TLL1: variants seen among roughly 807,000 people sequenced by gnomAD.
TLL1 encodes the protein tolloid like 1, also known as tolloid-like protein 1.
In TLL1, 49 loss-of-function variants were observed where a neutral mutation model predicts 128.2. The observed-to-expected ratio is 0.38, with a 90% confidence interval of 0.30 to 0.48. The LOEUF is 0.48. Among genes scored for constraint, TLL1 ranks in the 20% least tolerant of loss-of-function variants. The pLI is 0.96. For missense variants in TLL1, 1,123 were observed against 1,242.0 expected, an observed-to-expected ratio of 0.90 and a Z score of 1.44; for synonymous variants, 454 against 418.8, an observed-to-expected ratio of 1.08 and a Z score of -1.03.
intron 1 of TLL1, among the ~76,000 whole-genome samples, chr4:165,952,408 C>T (rs943480962): frequency 6.6e-6 from 1 of 152,060 alleles, no homozygotes; most frequent in Non-Finnish European, 1.5e-5. Flanking sequence ...GGAGTTAATT[C>T]TAAATTATGC....
intron 18 of TLL1, among the ~76,000 whole-genome samples, chr4:166,079,917 C>T (rs957065326): frequency 7.9e-5 from 12 of 152,094 alleles, no homozygotes; most frequent in African/African-American, 1.7e-4. Context: ...TTGGCTGTCT[C>T]GAATCTACTG....
intron 8 of TLL1, among the ~76,000 whole-genome samples, chr4:166,017,577 C>T (rs1738008589): frequency 6.6e-6 from 1 of 152,104 alleles, no homozygotes; most frequent in Admixed American, 6.6e-5. Context: ...CATTCTCTTT[C>T]TCTACAGCCT....
intron 9 of TLL1, among the ~76,000 whole-genome samples, chr4:166,034,730 T>C (rs1047282691): frequency 6.6e-6 from 1 of 152,096 alleles, no homozygotes; most frequent in Non-Finnish European, 1.5e-5. Context: ...TGTAGGGGTG[T>C]AGTGGGAATT....
chr4:165,978,180 C>T (rs1045681049), intron 1 of TLL1, among the ~76,000 whole-genome samples: 3 of 152,074 alleles, frequency 2.0e-5, no homozygotes, highest in Admixed American at 1.3e-4. Context: ...ACCCTGAAAT[C>T]ATTTTTTTCC....
intron 9 of TLL1, among the ~76,000 whole-genome samples, chr4:166,032,038 C>T (rs1204886940): frequency 3.3e-5 from 5 of 152,068 alleles, no homozygotes; most frequent in African/African-American, 1.2e-4. Flanking sequence ...TGGCATCTGA[C>T]ATTTGCCAGA....
At chr4:166,052,982 T>TATATATATATATATATA (rs1553965120) in intron 12 of TLL1, among the ~76,000 whole-genome samples, 2 of 145,368 alleles carry the variant, frequency 1.4e-5, no homozygotes, top group African/African-American at 5.1e-5. Flanking sequence ...TATATATATA[T>TATATATATATATATATA]TTGGCCAAAT....
At chr4:165,966,844 G>T (rs1561061131) in intron 1 of TLL1, among the ~76,000 whole-genome samples, 1 of 152,170 alleles carries the variant, frequency 6.6e-6, no homozygotes, top group African/African-American at 2.4e-5. Context: ...TGCTGATGAA[G>T]TTTTATGTCC....
chr4:165,901,415 G>T (rs1418743997), intron 1 of TLL1, among the ~76,000 whole-genome samples: 1 of 152,136 alleles, frequency 6.6e-6, no homozygotes, highest in Non-Finnish European at 1.5e-5. Flanking sequence ...GTGACCTTCG[G>T]ATGGGGTTTT....
In TLL1 at chr4:165,903,732, A is replaced by AACACAC. The variant is rs1561018121; in HGVS notation, c.169+29659_169+29660insACACAC. Among the ~76,000 whole-genome samples the AACACAC allele has an allele frequency of 7.5e-4, 79 of 104,718 alleles. 1 individual carries two copies. The highest frequency in any genetic ancestry group is 2.5e-3 in the African/African-American group (74 of 30,186). 68.7% of individuals were successfully genotyped at this position (104,718 alleles called of 152,430 possible). On this transcript the variant is annotated intron_variant, in intron 1 of 20. Coordinates refer to ENST00000061240, the MANE Select transcript of TLL1 (RefSeq NM_012464.5). ...AGCAGAGGTTAGATCTTAAGTTCTT[A>AACACAC]TCACACACACACACACACACACACA...
intron 8 of TLL1, among the ~76,000 whole-genome samples, chr4:166,021,683 G>A (rs200695972): frequency 1.3e-5 from 2 of 151,998 alleles, no homozygotes; most frequent in African/African-American, 4.8e-5. Flanking sequence ...CACCCGCCTC[G>A]GCCTCGCAAA....
At chr4:166,003,284 G>A in intron 5 of TLL1, 107 bp from the exon 6 acceptor site, 3 of 1,088,506 alleles carry the variant, frequency 2.8e-6, no homozygotes, top group African/African-American at 1.5e-5. Context: ...GTTCCTGAAT[G>A]TGTCGGACTT....
intron 1 of TLL1, among the ~76,000 whole-genome samples, chr4:165,971,695 T>C (rs1233559507): frequency 6.6e-6 from 1 of 152,226 alleles, no homozygotes; most frequent in East Asian, 1.9e-4. Flanking sequence ...GGCTTTTTAT[T>C]CTAATGCAAG....
rs761957201 is a variant in TLL1 at position 166,078,008 on chromosome 4, C to T, written c.2420C>T (p.Thr807Ile). Residue 807 changes from threonine (T) to isoleucine (I), a missense_variant, in exon 18 of 21, where the codon ACT (threonine) becomes ATT (isoleucine). By Grantham distance (89) the Thr-to-Ile change is moderately conservative. Transcript: ENST00000061240. ...RKECTWEISA[T>I]PGHRIKLAFS... is the part of the protein sequence containing the mutation. Reference sequence around the variant, plus strand: ...GAATGCACTTGGGAAATCAGCGCCACTCCTGGCCACCGAATCAAATTAGTA... The same window carrying T: ...GAATGCACTTGGGAAATCAGCGCCATTCCTGGCCACCGAATCAAATTAGTA... 6.2e-7 allele frequency: 1 copy of T among 1,613,678 alleles called. No individual in the cohort carries two copies. Among genetic ancestry groups the T allele is most frequent in the African/African-American group, 1.3e-5 (1 of 75,028 alleles).
intron 15 of TLL1, among the ~76,000 whole-genome samples, chr4:166,062,194 G>A (rs917838832): frequency 3.3e-5 from 5 of 152,078 alleles, no homozygotes; most frequent in African/African-American, 9.7e-5. Flanking sequence ...TTGTCGTGGA[G>A]ATGTGGGTTC....
At chr4:165,968,010 C>T (rs1463086527) in intron 1 of TLL1, among the ~76,000 whole-genome samples, 3 of 152,164 alleles carry the variant, frequency 2.0e-5, no homozygotes, top group African/African-American at 4.8e-5. Context: ...AGTGTCTTCA[C>T]GGCACTGAAC....
chr4:165,932,194 C>T (rs535469413), intron 1 of TLL1, among the ~76,000 whole-genome samples: 14 of 152,244 alleles, frequency 9.2e-5, no homozygotes, highest in Admixed American at 4.6e-4. Context: ...TCCACACTTA[C>T]GAGATTCACC....
rs541310619 is a variant in TLL1, at chr4:165,893,375, T to G, written c.169+19302T>G. ...TGGAAAAGAAATAAAGTGAGTCCTG[T>G]GAGTGCCTCAGTTTACTGTCTATAC... On this transcript the variant is annotated intron_variant, in intron 1 of 20. Coordinates refer to ENST00000061240, the MANE Select transcript of TLL1 (RefSeq NM_012464.5). Among the ~76,000 whole-genome samples, 486 of 152,322 alleles carry G rather than the reference T, an allele frequency of 3.2e-3. 1 individual carries two copies. The highest frequency in any genetic ancestry group is 0.011 in the African/African-American group (463 of 41,582).
At chr4:166,099,036 C>T (rs1366613427) in intron 19 of TLL1, among the ~76,000 whole-genome samples, 1 of 152,046 alleles carries the variant, frequency 6.6e-6, no homozygotes, top group African/African-American at 2.4e-5. Flanking sequence ...ACATCACTTA[C>T]CCAGAGTCAC....
chr4:166,047,813 A>T (rs1034810032), intron 12 of TLL1, among the ~76,000 whole-genome samples: 2 of 152,130 alleles, frequency 1.3e-5, no homozygotes, highest in African/African-American at 4.8e-5. Flanking sequence ...TGTGGTCTGG[A>T]TGTTTGTGTC....
Sources: gnomAD v4.1 joint callset for allele counts (sites outside exome capture counted in the v4.1 genomes callset) on GRCh38, gnomAD v4.1.1 for gene constraint, MANE v1.5 for transcripts, NCBI Gene and HGNC (gene_info 2026-07-23, HGNC 2026-07-21) for gene names.